COLEC12: variants seen among roughly 807,000 people sequenced by gnomAD.
COLEC12 encodes collectin-12.
COLEC12 carries 33 observed loss-of-function variants against 71.1 expected under a neutral mutation model. The ratio of observed to expected loss-of-function variants is 0.46; its 90% CI spans 0.35 to 0.62. COLEC12 has a LOEUF of 0.62. COLEC12 is among the 20% of genes least tolerant of loss of function. COLEC12 has a pLI of 0.00. For missense variants in COLEC12, 765 were observed against 916.1 expected, an observed-to-expected ratio of 0.84 and a Z score of 2.13; for synonymous variants, 350 against 353.0, an observed-to-expected ratio of 0.99 and a Z score of 0.10.
intron 2 of COLEC12, among the ~76,000 whole-genome samples, chr18:390,238 C>T (rs544314478): frequency 1.3e-5 from 2 of 152,164 alleles, no homozygotes; most frequent in South Asian, 2.1e-4. Flanking sequence ...GGGAGGCCAT[C>T]GTGCTGCCCA....
chr18:450,320 G>A (rs1440828657), intron 2 of COLEC12, among the ~76,000 whole-genome samples: 2 of 152,166 alleles, frequency 1.3e-5, no homozygotes, highest in African/African-American at 2.4e-5. Flanking sequence ...GTTGAGGGGG[G>A]GCCTGCTGGG....
rs1915633419 is a variant in COLEC12, at chr18:399,360, A to G, written c.59-41838T>C. 6.6e-6 allele frequency among the ~76,000 whole-genome samples: 1 copy of G among 152,170 alleles called. No individual in the cohort carries two copies. The highest frequency in any genetic ancestry group is 1.5e-5 in the Non-Finnish European group (1 of 68,020). ...GCAGGCCAGACGAGAGGCTTTTTGG[A>G]AGGGTTCTCATCACTGTGTAGCGCG... is the stretch of plus-strand genomic sequence containing the variant. On this transcript the variant is annotated intron_variant, in intron 2 of 9. Transcript: ENST00000400256. This position sits in a 1 kb window ranked among gnomAD's most constrained non-coding sequence, Gnocchi z 4.0.
chr18:467,093 T>C (rs1481030286), intron 2 of COLEC12, among the ~76,000 whole-genome samples: 1 of 152,222 alleles, frequency 6.6e-6, no homozygotes, highest in Non-Finnish European at 1.5e-5. Context: ...AAAACTCTAA[T>C]ACACTTTCTA....
At chr18:389,743 C>G (rs1915422627) in intron 2 of COLEC12, among the ~76,000 whole-genome samples, 2 of 152,146 alleles carry the variant, frequency 1.3e-5, no homozygotes, top group Admixed American at 1.3e-4. Context: ...AGAATAATCC[C>G]TCTCTTTCCC....
intron 5 of COLEC12, among the ~76,000 whole-genome samples, chr18:342,637 AACACTTGCATTCAG>A (rs1180691288): frequency 6.6e-6 from 1 of 152,234 alleles, no homozygotes; most frequent in East Asian, 1.9e-4. Flanking sequence ...TGTGGAAGAA[AACACTTGCATTCAG>A]AAATGGAGTT....
chr18:349,988 C>A (rs924450137), intron 3 of COLEC12, among the ~76,000 whole-genome samples: 1 of 152,086 alleles, frequency 6.6e-6, no homozygotes, highest in Non-Finnish European at 1.5e-5. Context: ...CTTTGGACTG[C>A]AGACTTTAGG....
intron 2 of COLEC12, among the ~76,000 whole-genome samples, chr18:360,634 A>T (rs1342065125): frequency 1.3e-5 from 2 of 152,206 alleles, no homozygotes; most frequent in Non-Finnish European, 2.9e-5. Context: ...GCAGGTTCCG[A>T]TTCAGTGGGT....
Position 408,497 on chromosome 18 carries a change from T to A in COLEC12, c.59-50975A>T, listed in dbSNP as rs1296790771. On this transcript the variant is annotated intron_variant, in intron 2 of 9. Transcript: ENST00000400256. The surrounding 1 kb of genome is among the most constrained non-coding windows in gnomAD (Gnocchi z 4.3). ...TGGTTCATAAACAGAAAAAAAAATG[T>A]CAGATTTTGAACTTGGAAAGGAATG... Among the ~76,000 whole-genome samples the A allele has an allele frequency of 5.9e-5, 9 of 151,924 alleles. No individual in the cohort carries two copies.
intron 2 of COLEC12, among the ~76,000 whole-genome samples, chr18:377,653 A>G (rs577411248): frequency 6.6e-6 from 1 of 152,214 alleles, no homozygotes; most frequent in Non-Finnish European, 1.5e-5. Context: ...ACCCTGCTGC[A>G]CTGGAGGGAA....
intron 2 of COLEC12, among the ~76,000 whole-genome samples, chr18:429,475 G>A (rs147232686): frequency 0.097 from 14,622 of 151,400 alleles, 981 homozygotes; most frequent in Non-Finnish European, 0.14. Context: ...TCTGCTTCTC[G>A]GGTTCAAGTG....
chr18:379,177 C>T (rs959934699), intron 2 of COLEC12, among the ~76,000 whole-genome samples: 5 of 151,732 alleles, frequency 3.3e-5, no homozygotes, highest in South Asian at 4.2e-4. Context: ...GGCTGGAGTA[C>T]GGAGGAGTGA....
At chr18:357,297 T>C (rs1199778271) in intron 3 of COLEC12, 103 bp downstream of exon 3, 1 of 1,095,852 alleles carries the variant, frequency 9.1e-7, no homozygotes, top group African/African-American at 1.6e-5. Flanking sequence ...GCATCTGAGT[T>C]GTATGAATGA....
At chr18:387,408 C>G (rs1421883224) in intron 2 of COLEC12, among the ~76,000 whole-genome samples, 2 of 152,012 alleles carry the variant, frequency 1.3e-5, no homozygotes, top group African/African-American at 4.8e-5. Flanking sequence ...ACTTTCATTC[C>G]TTCTTTCTCA....
chr18:373,991 GA>G (rs1451048924), intron 2 of COLEC12, among the ~76,000 whole-genome samples: 4 of 152,192 alleles, frequency 2.6e-5, no homozygotes, highest in African/African-American at 9.7e-5. Flanking sequence ...GACTCCAGGG[GA>G]TAAGGGGCTT....
chr18:395,201 T>C (rs1915544726), intron 2 of COLEC12, among the ~76,000 whole-genome samples: 2 of 152,186 alleles, frequency 1.3e-5, no homozygotes, highest in East Asian at 1.9e-4. Flanking sequence ...TGCTGATGAA[T>C]GTGTTATGTA....
chr18:325,662 A>C (rs1268001604), intron 8 of COLEC12, among the ~76,000 whole-genome samples: 1 of 54,858 alleles, frequency 1.8e-5, no homozygotes. Flanking sequence ...TTTTTGAGAC[A>C]GAGTCTTGTT....
intron 1 of COLEC12, among the ~76,000 whole-genome samples, chr18:495,721 A>C (rs1204502041): frequency 6.6e-6 from 1 of 152,224 alleles, no homozygotes; most frequent in African/African-American, 2.4e-5. Flanking sequence ...GTGACAGCAC[A>C]CAGTAGGACT....
intron 1 of COLEC12, among the ~76,000 whole-genome samples, chr18:487,119 G>A (rs1917534039): frequency 6.6e-6 from 1 of 152,206 alleles, no homozygotes; most frequent in Non-Finnish European, 1.5e-5. Context: ...TGTCTATACA[G>A]TGGAATATTA....
intron 2 of COLEC12, among the ~76,000 whole-genome samples, chr18:479,265 G>C (rs1251183074): frequency 6.6e-6 from 1 of 152,116 alleles, no homozygotes; most frequent in African/African-American, 2.4e-5. Context: ...TGTAGATGGG[G>C]AACAGGAGCA....
Sources: allele counts gnomAD v4.1 joint callset (sites outside exome capture counted in the v4.1 genomes callset), GRCh38; gene constraint gnomAD v4.1.1; non-coding constraint Gnocchi (gnomAD v3.1); transcripts MANE v1.5; gene names NCBI Gene and HGNC (gene_info 2026-07-23, HGNC 2026-07-21).